FRMPD4: variants seen among roughly 807,000 people sequenced by gnomAD.
FRMPD4 encodes the protein FERM and PDZ domain-containing protein 4.
In FRMPD4, 22 loss-of-function variants were observed where a neutral mutation model predicts 94.1. The observed-to-expected ratio is 0.23, with a 90% CI of 0.17 to 0.33. The LOEUF (loss-of-function observed/expected upper bound fraction) is 0.33, where lower values mean the gene tolerates loss of function less well. Ranked by LOEUF, FRMPD4 falls within the 10% of genes least tolerant of loss-of-function variation. The pLI is 1.00. For synonymous variants in FRMPD4, 631 were observed against 548.6 expected, an observed-to-expected ratio of 1.15 and a Z score of -2.10; for missense variants, 1,111 against 1,339.9, an observed-to-expected ratio of 0.83 and a Z score of 2.67.
chrX:11,841,615 G>T (rs1402408462), intron 1 of FRMPD4, among the ~76,000 whole-genome samples: 47 of 111,611 alleles, frequency 4.2e-4, no homozygotes, highest in Admixed American at 7.6e-4. Flanking sequence ...GCTTGTAAAT[G>T]TGTTTGAGTT....
In FRMPD4 at chrX:11,915,093, A is replaced by G. The variant is rs567179329; in HGVS notation, c.95+37075A>G. On this transcript the variant is annotated intron_variant, in intron 3 of 18. Coordinates refer to the FRMPD4 transcript ENST00000640291. The stretch of plus-strand genomic sequence containing the variant: ...CTTATTTTTACTGGAGTTGACTTTT[A>G]TTTCTTATTCCTTGGCACATTGTGC... 2.0e-4 allele frequency among the ~76,000 whole-genome samples: 23 copies of G among 112,465 alleles called. No homozygotes were observed. The South Asian group carries it at 8.1e-3, about 40-fold the overall frequency.
chrX:11,926,258 CAAAAA>C (rs763084115), intron 3 of FRMPD4, among the ~76,000 whole-genome samples: 2 of 30,714 alleles, frequency 6.5e-5, no homozygotes, highest in African/African-American at 1.6e-4. Flanking sequence ...GCTTACCAAC[CAAAAA>C]AAAAAAAAAA....
At chrX:12,326,772 C>T (rs967088682) in intron 1 of FRMPD4, among the ~76,000 whole-genome samples, 1 of 110,800 alleles carries the variant, frequency 9.0e-6, no homozygotes, top group Non-Finnish European at 1.9e-5. Flanking sequence ...TGAGACCAGC[C>T]TGGGCAACAT....
At chrX:12,573,331 C>G (rs1259343011) in intron 2 of FRMPD4, among the ~76,000 whole-genome samples, 2 of 111,851 alleles carry the variant, frequency 1.8e-5, no homozygotes, top group Non-Finnish European at 3.8e-5. Flanking sequence ...ATTCTTAGGT[C>G]ACTGGTTAAT....
chrX:12,285,695 A>G (rs188653430), intron 1 of FRMPD4, among the ~76,000 whole-genome samples: 17 of 112,037 alleles, frequency 1.5e-4, no homozygotes, highest in Non-Finnish European at 3.2e-4. Context: ...GAGAAAGATT[A>G]TGGGAAAGCA....
At chrX:12,247,534 A>G (rs1329863277) in intron 1 of FRMPD4, among the ~76,000 whole-genome samples, 1 of 112,020 alleles carries the variant, frequency 8.9e-6, no homozygotes, top group Non-Finnish European at 1.9e-5. Context: ...AACTCAGACC[A>G]GCATATGTGC....
chrX:12,069,545 T>C (rs2054948782), intron 3 of FRMPD4, among the ~76,000 whole-genome samples: 1 of 111,573 alleles, frequency 9.0e-6, no homozygotes, highest in African/African-American at 3.3e-5. Flanking sequence ...TCTCATGGGT[T>C]GGATGTGAGA....
intron 1 of FRMPD4, among the ~76,000 whole-genome samples, chrX:12,173,991 T>C (rs368286029): frequency 7.0e-4 from 78 of 111,490 alleles, no homozygotes; most frequent in African/African-American, 2.5e-3. Context: ...CAGGGGCTCT[T>C]CCAGGGGCTG....
rs185784486 is a variant in FRMPD4 at position 12,558,772 on chromosome X, G to A, written c.159-50949G>A. Among the ~76,000 whole-genome samples the A allele has an allele frequency of 2.1e-3, 236 of 111,666 alleles. 1 individual carries two copies. Among genetic ancestry groups the A allele is most frequent in the Non-Finnish European group, 4.0e-3 (213 of 53,127 alleles). ...CATTAAAATAACCTCCAGCTGGGCAGGCCTATATTTCCAGCTATTTGGGAG... is the reference window on the plus strand; with the variant it reads ...CATTAAAATAACCTCCAGCTGGGCAAGCCTATATTTCCAGCTATTTGGGAG... On this transcript the variant is annotated intron_variant, in intron 2 of 16. Transcript: ENST00000675598.
At chrX:12,680,658 C>A (rs181996623) in intron 5 of FRMPD4, among the ~76,000 whole-genome samples, 3 of 112,227 alleles carry the variant, frequency 2.7e-5, no homozygotes, top group African/African-American at 9.7e-5. Flanking sequence ...CTGTTGACTT[C>A]AAATTGTGTA....
rs55973946 is a variant in FRMPD4 at position 11,930,107 on chromosome X, CAAAAAA to C, written c.95+52111_95+52116del. 4.7e-3 allele frequency among the ~76,000 whole-genome samples: 62 copies of C among 13,253 alleles called. No homozygotes were observed. In the East Asian group the frequency reaches 0.06, roughly 13 times the overall value. 11.5% of individuals were successfully genotyped at this position (13,253 alleles called of 115,157 possible). A position where few individuals can be genotyped will look rare whatever the true frequency, so the allele number is the denominator to read the frequency against. On this transcript the variant is annotated intron_variant, in intron 3 of 18. Coordinates refer to the FRMPD4 transcript ENST00000640291. ...TGGGCAACAGAGTGAGACTCTGTCT[CAAAAAA>C]AAAAAAAAAAAAAAAAAAAAAGGCA...
At chrX:11,979,601 A>G (rs2054386825) in intron 3 of FRMPD4, among the ~76,000 whole-genome samples, 1 of 111,452 alleles carries the variant, frequency 9.0e-6, no homozygotes, top group African/African-American at 3.3e-5. Flanking sequence ...TTGTGGTTTT[A>G]ATTTTTATTT....
intron 2 of FRMPD4, among the ~76,000 whole-genome samples, chrX:12,552,602 T>C (rs2058548606): frequency 8.9e-6 from 1 of 112,290 alleles, no homozygotes; most frequent in Admixed American, 9.4e-5. Context: ...CCTTTCTTTA[T>C]ACTTATGTTA....
At chrX:12,130,399 G>T (rs913279951) in intron 3 of FRMPD4, among the ~76,000 whole-genome samples, 5 of 110,840 alleles carry the variant, frequency 4.5e-5, no homozygotes, top group African/African-American at 1.6e-4. Context: ...AGTACTGGAT[G>T]CTGGATGGGA....
intron 1 of FRMPD4, among the ~76,000 whole-genome samples, chrX:12,250,721 T>C (rs1008294456): frequency 2.5e-4 from 28 of 111,984 alleles, no homozygotes; most frequent in African/African-American, 9.1e-4. Flanking sequence ...AGCAGTGCCC[T>C]TTATTACAGC....
chrX:12,381,835 G>T (rs2056322577), intron 1 of FRMPD4, among the ~76,000 whole-genome samples: 1 of 111,790 alleles, frequency 8.9e-6, no homozygotes. Flanking sequence ...TTCACCCATG[G>T]CCTGGAACCC....
chrX:12,140,980 A>C, intron 1 of FRMPD4, among the ~76,000 whole-genome samples: 1 of 111,837 alleles, frequency 8.9e-6, no homozygotes. Context: ...CCATCCATAG[A>C]ATTCTTCTTT....
intron 1 of FRMPD4, among the ~76,000 whole-genome samples, chrX:12,265,267 C>T (rs1447473537): frequency 8.9e-6 from 1 of 111,957 alleles, no homozygotes; most frequent in East Asian, 2.8e-4. Context: ...TCTGAGAAGC[C>T]CTGGTATAGA....
intron 5 of FRMPD4, among the ~76,000 whole-genome samples, chrX:12,676,985 C>T (rs906138346): frequency 1.8e-5 from 2 of 111,934 alleles, no homozygotes; most frequent in African/African-American, 3.2e-5. Context: ...AGTCCCACCA[C>T]CTCCTCGGCC....
Sources: gnomAD v4.1 joint callset for allele counts (sites outside exome capture counted in the v4.1 genomes callset) on GRCh38, gnomAD v4.1.1 for gene constraint, MANE v1.5 for transcripts, NCBI Gene and HGNC (gene_info 2026-07-23, HGNC 2026-07-21) for gene names.